Variants in DHRS12 observed in about 807,000 individuals in gnomAD.
The protein encoded by DHRS12 is dehydrogenase/reductase 12.
In DHRS12, 29 loss-of-function variants were observed where a neutral mutation model predicts 32.1. The observed-to-expected ratio is 0.90, with a 90% CI of 0.67 to 1.23. The LOEUF (loss-of-function observed/expected upper bound fraction) is 1.23. Ranked by LOEUF, DHRS12 falls within the 50% of genes most tolerant of loss-of-function variation. The pLI is 0.00. For synonymous variants in DHRS12, 150 were observed against 135.9 expected (o/e 1.10, Z -0.72); for missense variants, 330 against 337.2 (o/e 0.98, Z 0.17).
At chr13:51,759,712 A>G in the DHRS12 span, 1 of 1,613,566 alleles carries the variant, frequency 6.2e-7, no homozygotes, top group Non-Finnish European at 8.5e-7. Flanking sequence ...ATTTTAGTTC[A>G]TTCTGTATCT....
intron 2 of DHRS12, 123 bp from the exon 3 acceptor site, chr13:51,791,380 T>G: frequency 1.9e-6 from 1 of 521,332 alleles, no homozygotes; most frequent in Non-Finnish European, 3.3e-6. Context: ...AAACGGAAAA[T>G]ACCAGTCCCA....
chr13:51,759,996 C>T, the DHRS12 span: 1 of 494,268 alleles, frequency 2.0e-6, no homozygotes, highest in Non-Finnish European at 3.6e-6. Flanking sequence ...ATTTTTTTAA[C>T]AAATGGTTTA....
chr13:51,801,156 T>C (rs755396475), intron 1 of DHRS12, among the ~76,000 whole-genome samples: 28 of 152,176 alleles, frequency 1.8e-4, no homozygotes, highest in Non-Finnish European at 3.5e-4. Flanking sequence ...TGACAGCACT[T>C]GGAACATATT....
chr13:51,762,973 T>G, the DHRS12 span: 17 of 152,216 alleles, frequency 1.1e-4, 1 homozygote, highest in Non-Finnish European at 2.9e-5. Flanking sequence ...TTTGGAATCT[T>G]ATGTCATTTT....
intron 7 of DHRS12, chr13:51,771,176 G>A (rs1391802414): frequency 1.2e-5 from 18 of 1,545,994 alleles, no homozygotes; most frequent in Admixed American, 3.9e-5. Context: ...CGCAGACAGC[G>A]CTGAGACCAG....
chr13:51,768,529 G>A (rs1953856821), intron 8 of DHRS12: 1 of 1,389,494 alleles, frequency 7.2e-7, no homozygotes, highest in Non-Finnish European at 9.3e-7. Context: ...GGGAGACCAC[G>A]TTTGGGTGAT....
At position 51,804,145 on chromosome 13, in the gene DHRS12, C is replaced by T. The variant is rs1268557681; in HGVS notation, c.-100G>A. 8 of 1,445,800 alleles carry T rather than the reference C, an allele frequency of 5.5e-6. No homozygotes were observed. The highest frequency in any genetic ancestry group is 6.3e-6 in the Non-Finnish European group (7 of 1,102,866). 89.6% of individuals were successfully genotyped at this position (1,445,800 alleles called of 1,614,324 possible). ...CCCCACGCCTAGCCCCACCGCGCTC[C>T]CGGCGCGGCCTCCGCCCTGGTCCCG... is the stretch of plus-strand genomic sequence containing the variant. On this transcript the variant is annotated 5_prime_UTR_variant, in exon 1 of 9. Coordinates refer to ENST00000444610, the MANE Select transcript of DHRS12 (RefSeq NM_001377533.1).
At position 51,774,418 on chromosome 13, in the gene DHRS12, C is replaced by CCTACATGTATT. The variant is rs1566279265; in HGVS notation, c.364-385_364-384insAATACATGTAG. 11 of 135,650 alleles carry CCTACATGTATT rather than the reference C, an allele frequency of 8.1e-5. 2 individuals are homozygous for CCTACATGTATT. The highest frequency in any genetic ancestry group is 2.4e-4 in the South Asian group (1 of 4,112). The allele number at this position is 135,650 out of a possible 1,614,324, so 8.4% of individuals were successfully genotyped here. A position where few individuals can be genotyped will look rare whatever the true frequency, so the allele number is the denominator to read the frequency against. ...TCCTACATGTATTCTACAGTATTCT[C>CCTACATGTATT]CTACAGTATTCTCCTACATGTATTC... On this transcript the variant is annotated intron_variant, in intron 5 of 8. Transcript: ENST00000444610.
At chr13:51,791,503 C>T (rs971474544) in intron 2 of DHRS12, among the ~76,000 whole-genome samples, 34 of 151,920 alleles carry the variant, frequency 2.2e-4, no homozygotes, top group Admixed American at 2.2e-3. Context: ...TATATACATA[C>T]ACCACACAAA....
chr13:51,758,167 C>A, the DHRS12 span: 1 of 1,528,238 alleles, frequency 6.5e-7, no homozygotes, highest in Non-Finnish European at 9.0e-7. Flanking sequence ...CTTTTCCCCT[C>A]AGAAGCTTTC....
chr13:51,797,987 C>A lies in DHRS12; in HGVS notation c.126+1547G>T, dbSNP rs761200781. 6 of 1,375,340 alleles carry A rather than the reference C, an allele frequency of 4.4e-6. No individual in the cohort carries two copies. The South Asian group carries it at 7.5e-5, about 17-fold the overall frequency. 85.2% of individuals were successfully genotyped at this position (1,375,340 alleles called of 1,614,324 possible). A position where few individuals can be genotyped will look rare whatever the true frequency, so the allele number is the denominator to read the frequency against. ...AGCTCTTCCTAATGAAAAATGAAGA[C>A]ATATGGGCTCACAGTTGACACTCTT... On this transcript the variant is annotated intron_variant, in intron 2 of 8. Coordinates refer to ENST00000444610, the MANE Select transcript of DHRS12 (RefSeq NM_001377533.1).
intron 4 of DHRS12, among the ~76,000 whole-genome samples, chr13:51,787,191 A>C (rs1218490408): frequency 6.6e-6 from 1 of 152,226 alleles, no homozygotes; most frequent in African/African-American, 2.4e-5. Flanking sequence ...CACAAACAGG[A>C]AATGAAAAGG....
intron 4 of DHRS12, among the ~76,000 whole-genome samples, chr13:51,779,704 C>A (rs1202908005): frequency 2.0e-5 from 3 of 152,224 alleles, no homozygotes; most frequent in African/African-American, 7.2e-5. Context: ...CAAAGCCCAG[C>A]TGTGTCTCTG....
At chr13:51,774,164 G>A in intron 5 of DHRS12, 130 bp from the exon 6 acceptor site, 1 of 695,178 alleles carries the variant, frequency 1.4e-6, no homozygotes, top group African/African-American at 1.8e-5. Flanking sequence ...GCAACACATT[G>A]TATTCTCCTA....
chr13:51,757,597 G>C, the DHRS12 span, among the ~76,000 whole-genome samples: 2 of 150,766 alleles, frequency 1.3e-5, no homozygotes, highest in Non-Finnish European at 2.9e-5. Context: ...CACTTGCATT[G>C]CCTCTAGAGC....
chr13:51,765,913 A>T (rs1471659387), downstream of DHRS12: 1 of 152,168 alleles, frequency 6.6e-6, no homozygotes, highest in Non-Finnish European at 1.5e-5. Flanking sequence ...AAGTGTCAAG[A>T]ATTGCAGGTT....
the DHRS12 span, chr13:51,755,549 G>A: frequency 1.6e-6 from 2 of 1,253,924 alleles, no homozygotes; most frequent in Non-Finnish European, 2.3e-6. Flanking sequence ...CTGGGTGGGA[G>A]TTGTGGTGAG....
the DHRS12 span, among the ~76,000 whole-genome samples, chr13:51,758,566 A>G: frequency 6.6e-6 from 1 of 151,964 alleles, no homozygotes; most frequent in South Asian, 2.1e-4. Context: ...AAAAAAAAAA[A>G]AAAAAAGTTA....
chr13:51,787,847 TATA>T (rs1310898411), intron 4 of DHRS12, among the ~76,000 whole-genome samples: 3 of 125,218 alleles, frequency 2.4e-5, no homozygotes, highest in African/African-American at 9.3e-5. Context: ...ACATATAATA[TATA>T]ATTATATATA....
Sources: gnomAD v4.1 joint callset for allele counts (sites outside exome capture counted in the v4.1 genomes callset) on GRCh38, gnomAD v4.1.1 for gene constraint, MANE v1.5 for transcripts, NCBI Gene and HGNC (gene_info 2026-07-23, HGNC 2026-07-21) for gene names.